BTK: variants seen among roughly 807,000 people sequenced by gnomAD.
BTK encodes Bruton tyrosine kinase, also known as tyrosine-protein kinase BTK.
A neutral mutation model predicts 57.4 loss-of-function variants in BTK; 5 were observed. The ratio of observed to expected loss-of-function variants is 0.09; its 90% CI spans 0.05 to 0.18. BTK has a LOEUF of 0.18. Among genes scored for constraint, BTK ranks in the 10% least tolerant of loss-of-function variants. The pLI, the probability that BTK is intolerant of heterozygous loss-of-function variation, is 1.00. For synonymous variants in BTK, 154 were observed against 174.3 expected (o/e 0.88, Z 0.92); for missense variants, 194 against 501.2 (o/e 0.39, Z 5.85).
At chrX:101,352,384 G>A (rs782461832) in intron 18 of BTK, among the ~76,000 whole-genome samples, 2 of 111,613 alleles carry the variant, frequency 1.8e-5, no homozygotes, top group Admixed American at 9.5e-5. Context: ...TGGCATTGGA[G>A]TGTACTAATG....
At chrX:101,350,046 T>C in intron 18 of BTK, 90 bp from the exon 19 acceptor site, 3 of 634,083 alleles carry the variant, frequency 4.7e-6, no homozygotes, top group South Asian at 2.2e-5. Flanking sequence ...GTTTATTAAA[T>C]ATATGCTCTA....
At chrX:101,381,904 C>T (rs1183203525) in intron 1 of BTK, among the ~76,000 whole-genome samples, 1 of 107,436 alleles carries the variant, frequency 9.3e-6, no homozygotes, top group African/African-American at 3.4e-5. Flanking sequence ...TGGTGGCGCG[C>T]ACCTGTAATC....
At chrX:101,355,575 A>C in intron 15 of BTK, 1 of 121,495 alleles carries the variant, frequency 8.2e-6, no homozygotes, top group Non-Finnish European at 1.7e-5. Context: ...AGAAGCTGGA[A>C]ATTCCAGGGT....
intron 1 of BTK, among the ~76,000 whole-genome samples, chrX:101,382,874 AAC>A (rs1241565969): frequency 1.8e-5 from 2 of 111,395 alleles, no homozygotes; most frequent in Admixed American, 9.6e-5. Flanking sequence ...ATATCAAAAT[AAC>A]ACACGCAGCT....
chrX:101,385,131 G>A (rs981849340), intron 1 of BTK, among the ~76,000 whole-genome samples: 4 of 111,636 alleles, frequency 3.6e-5, no homozygotes, highest in African/African-American at 9.8e-5. Context: ...GGAAAAGAGC[G>A]GGGGAAGAAA....
intron 5 of BTK, among the ~76,000 whole-genome samples, chrX:101,363,052 T>C (rs782285047): frequency 8.9e-6 from 1 of 112,656 alleles, no homozygotes; most frequent in South Asian, 3.7e-4. Flanking sequence ...GGAAACAGTG[T>C]GCCCAGGCCA....
At chrX:101,390,299 T>G (rs1342179920), upstream of BTK, among the ~76,000 whole-genome samples, 1 of 112,083 alleles carries the variant, frequency 8.9e-6, no homozygotes, top group Non-Finnish European at 1.9e-5. Flanking sequence ...ACTTTCTACT[T>G]CTAGGCTTGA....
intron 1 of BTK, among the ~76,000 whole-genome samples, chrX:101,381,007 GAAAAAAA>G (rs782713123): frequency 4.0e-5 from 1 of 24,742 alleles, no homozygotes; most frequent in Non-Finnish European, 7.9e-5. Context: ...ACTCGGTCGC[GAAAAAAA>G]AAAAAAAAAA....
At chrX:101,364,401 C>T (rs1555979180) in intron 5 of BTK, among the ~76,000 whole-genome samples, 1 of 87,616 alleles carries the variant, frequency 1.1e-5, no homozygotes, top group Non-Finnish European at 2.2e-5. Context: ...AGGAACGAAA[C>T]TCCAACTCAA....
intron 12 of BTK, 141 bp downstream of exon 12, chrX:101,358,169 G>T: frequency 1.1e-6 from 1 of 951,297 alleles, no homozygotes; most frequent in Non-Finnish European, 1.5e-6. Context: ...CTCTTTACCA[G>T]CTTCTACCCA....
intron 18 of BTK, among the ~76,000 whole-genome samples, chrX:101,352,804 C>T (rs1418614491): frequency 9.2e-6 from 1 of 109,237 alleles, no homozygotes; most frequent in Non-Finnish European, 1.9e-5. Flanking sequence ...GAGGCTAAGG[C>T]AGGAGAATCA....
intron 1 of BTK, among the ~76,000 whole-genome samples, chrX:101,382,667 G>A (rs1480370295): frequency 9.0e-6 from 1 of 111,375 alleles, no homozygotes; most frequent in Non-Finnish European, 1.9e-5. Context: ...TGGAAGGAGA[G>A]CCAGAGAGCC....
intron 1 of BTK, among the ~76,000 whole-genome samples, chrX:101,381,619 TC>T (rs55728146): frequency 0.094 from 10,551 of 111,877 alleles, 429 homozygotes; most frequent in African/African-American, 0.14. Context: ...GTCTTCTCCC[TC>T]CTTAGAGATT....
At chrX:101,390,220 T>A (rs782182685), upstream of BTK, among the ~76,000 whole-genome samples, 1 of 112,134 alleles carries the variant, frequency 8.9e-6, no homozygotes, top group Non-Finnish European at 1.9e-5. Context: ...AGTCTTTCTA[T>A]GCTGGACTCT....
chrX:101,364,993 C>T (rs184041923), intron 5 of BTK, among the ~76,000 whole-genome samples: 185 of 111,747 alleles, frequency 1.7e-3, no homozygotes, highest in African/African-American at 5.6e-3. Context: ...ACCCGCCCCC[C>T]ATCGCCCCTC....
chrX:101,382,290 G>A (rs1405656264), intron 1 of BTK, among the ~76,000 whole-genome samples: 2 of 105,683 alleles, frequency 1.9e-5, no homozygotes, highest in African/African-American at 3.6e-5. Flanking sequence ...GGGCTCTCTG[G>A]TTCTTCCACA....
Position 101,364,594 on chromosome X carries a change from C to A in BTK, c.392-1905G>T, listed in dbSNP as rs1468797236. 2.8e-5 allele frequency among the ~76,000 whole-genome samples: 3 copies of A among 106,930 alleles called. No homozygotes were observed. The East Asian group carries it at 8.8e-4, about 31-fold the overall frequency. 92.9% of individuals were successfully genotyped at this position (106,930 alleles called of 115,157 possible). On this transcript the variant is annotated intron_variant, in intron 5 of 18. Transcript: ENST00000308731. ...TTTTAAGAGCCATTTTGGTACTTTT[C>A]TCCACATAGATTTGAAAACTTCAAA...
At chrX:101,364,961 C>G (rs1039592642) in intron 5 of BTK, among the ~76,000 whole-genome samples, 4 of 111,075 alleles carry the variant, frequency 3.6e-5, no homozygotes, top group African/African-American at 1.3e-4. Flanking sequence ...AGGATGGTCT[C>G]GAACTTCTGA....
At chrX:101,352,992 G>A (rs782719431) in intron 18 of BTK, 1 of 411,339 alleles carries the variant, frequency 2.4e-6, no homozygotes, top group South Asian at 3.9e-5. Flanking sequence ...CTTGAATCTG[G>A]GAGGCGAAGG....
Sources: allele counts gnomAD v4.1 joint callset (sites outside exome capture counted in the v4.1 genomes callset), GRCh38; gene constraint gnomAD v4.1.1; transcripts MANE v1.5; gene names NCBI Gene and HGNC (gene_info 2026-07-23, HGNC 2026-07-21).